Variants in DSG3 observed in about 807,000 individuals in gnomAD.
The protein encoded by DSG3 is desmoglein-3.
Under a neutral mutation model 85.9 loss-of-function variants are expected in DSG3, and 63 were observed. The observed-to-expected ratio is 0.73, with a 90% CI of 0.60 to 0.90. The LOEUF is 0.90. Ranked by LOEUF, DSG3 falls within the 40% of genes least tolerant of loss-of-function variation. DSG3 has a pLI of 0.00. For missense variants in DSG3, 1,220 were observed against 1,219.9 expected (o/e 1.00, Z 0.00); for synonymous variants, 447 against 441.9 (o/e 1.01, Z -0.14).
intron 8 of DSG3, among the ~76,000 whole-genome samples, chr18:31,463,121 C>T (rs912088864): frequency 6.6e-6 from 1 of 152,204 alleles, no homozygotes; most frequent in African/African-American, 2.4e-5. Flanking sequence ...CAACTGCTTT[C>T]ACCTATGCCT....
At chr18:31,457,585 C>CTTTCTTTCTTTCTTTCTTTCT (rs1555666278) in intron 3 of DSG3, among the ~76,000 whole-genome samples, 1 of 61,184 alleles carries the variant, frequency 1.6e-5, no homozygotes, top group African/African-American at 6.6e-5. Context: ...TTCTTTCTTT[C>CTTTCTTTCTTTCTTTCTTTCT]TTCTTTCTTT....
Position 31,460,844 on chromosome 18 carries a change from C to G in DSG3, c.696C>G (p.Ser232Arg). ...TNSLDREQAS[S>R]YRLVVSGADK... Reference sequence around the variant, plus strand: ...TTATCCAAAATTAGCAAGCTAGCAGCTATCGTCTGGTTGTGAGTGGTGCAG... The same window carrying G: ...TTATCCAAAATTAGCAAGCTAGCAGGTATCGTCTGGTTGTGAGTGGTGCAG... Residue 232 changes from serine to arginine, a missense_variant, in exon 7 of 16, where the codon AGC becomes AGG. Physicochemically the swap from Ser to Arg is moderately radical, Grantham distance 110. Coordinates refer to ENST00000257189, the MANE Select transcript of DSG3 (RefSeq NM_001944.3). The G allele has an allele frequency of 6.3e-7, 1 of 1,580,078 alleles. No individual in the cohort carries two copies. The highest frequency in any genetic ancestry group is 8.5e-7 in the Non-Finnish European group (1 of 1,169,782).
Position 31,474,353 on chromosome 18 carries a change from C to CT in DSG3, c.2335dup (p.Tyr779LeufsTer3). The CT allele has an allele frequency of 6.2e-7, 1 of 1,614,178 alleles. No individual in the cohort carries two copies. The highest frequency in any genetic ancestry group is 8.5e-7 in the Non-Finnish European group (1 of 1,180,028). Reference sequence around the variant, plus strand: ...ATTCCACTGGAGGAACCAATAAGGACTACGCTGATGGGGCGATAAGCATGA... The same window carrying CT: ...ATTCCACTGGAGGAACCAATAAGGACTTACGCTGATGGGGCGATAAGCATGA... On this transcript the variant is annotated frameshift_variant, in exon 15 of 16. Transcript: ENST00000257189. LOFTEE classifies it low-confidence loss of function (END_TRUNC).
intron 3 of DSG3, among the ~76,000 whole-genome samples, chr18:31,457,910 T>C (rs531408670): frequency 6.6e-6 from 1 of 152,146 alleles, no homozygotes. Flanking sequence ...ATTACAGGCA[T>C]GAGCCACCAC....
intron 15 of DSG3, 28 bp from the exon 16 acceptor site, chr18:31,475,618 A>AT: frequency 1.9e-6 from 3 of 1,596,910 alleles, no homozygotes; most frequent in Non-Finnish European, 1.7e-6. Flanking sequence ...CTTAAAATTC[A>AT]TTTTTTCCCA....
chr18:31,459,025 G>A lies in DSG3; in HGVS notation c.373-8G>A, dbSNP rs200664227. The A allele has an allele frequency of 6.2e-7, 1 of 1,612,772 alleles. No homozygotes were observed. The highest frequency in any genetic ancestry group is 8.5e-7 in the Non-Finnish European group (1 of 1,179,706). ...GAGTAATACTCCACATTTTCCCTCTGTTCCTAGATCACATGTCGGGCTCTA... is the reference window on the plus strand; with the variant it reads ...GAGTAATACTCCACATTTTCCCTCTATTCCTAGATCACATGTCGGGCTCTA... On this transcript the variant is annotated splice_region_variant and splice_polypyrimidine_tract_variant and intron_variant, in intron 4 of 15. Transcript: ENST00000257189.
rs2072887680 is a variant in DSG3, at chr18:31,476,249, C to T, written c.2989C>T (p.Arg997Cys). Residue 997 changes from arginine to cysteine, a missense_variant, in exon 16 of 16, where the codon CGT becomes TGT. By Grantham distance (180) the Arg-to-Cys change is radical. Transcript: ENST00000257189. ...GCTCTGTACAGAGGATCCTTGCTCC[C>T]GTCTAATATGACCAGAATGAGCTGG... ...TMLCTEDPCSRLI is the reference protein window; with the variant it reads ...TMLCTEDPCSCLI 5 of 1,607,656 alleles carry T rather than the reference C, an allele frequency of 3.1e-6. No homozygotes were observed. The highest frequency in any genetic ancestry group is 1.3e-5 in the African/African-American group (1 of 74,888).
At chr18:31,457,627 TCTTTCTTTC>T (rs2072756848) in intron 3 of DSG3, among the ~76,000 whole-genome samples, 2 of 132,648 alleles carry the variant, frequency 1.5e-5, no homozygotes, top group Admixed American at 1.5e-4. Flanking sequence ...TTTCTTTCTT[TCTTTCTTTC>T]TTTCTTTTTC....
intron 3 of DSG3, 112 bp downstream of exon 3, chr18:31,457,236 C>A (rs1179302510): frequency 5.1e-6 from 5 of 975,966 alleles, no homozygotes; most frequent in African/African-American, 5.1e-5. Context: ...GTCCACAGAA[C>A]AAGTGAACTG....
At position 31,469,310 on chromosome 18, in the gene DSG3, G is replaced by T; in HGVS notation, c.1858G>T (p.Ala620Ser). The change falls in exon 12 of 16, where the codon GCC (alanine) becomes TCC (serine). Residue 620 changes from alanine to serine, a missense_variant. Coordinates refer to ENST00000257189, the MANE Select transcript of DSG3 (RefSeq NM_001944.3). Reference protein sequence around the residue: ...RPHSGRLGPAAIGLLLLGLLL... With the variant: ...RPHSGRLGPASIGLLLLGLLL... ...GCACTCAGGGAGGCTGGGGCCTGCC[G>T]CCATCGGCCTGCTGCTCCTTGGTCT... is the stretch of plus-strand genomic sequence containing the variant. The T allele has an allele frequency of 6.2e-7, 1 of 1,613,522 alleles. No homozygotes were observed.
At chr18:31,457,521 C>CTCTTTCTT (rs142328218) in intron 3 of DSG3, among the ~76,000 whole-genome samples, 1 of 142,374 alleles carries the variant, frequency 7.0e-6, no homozygotes, top group African/African-American at 2.7e-5. Flanking sequence ...TTATACTATT[C>CTCTTTCTT]TCTTTCTTTC....
rs893982781 is a variant in DSG3, at chr18:31,460,023, C to T, written c.684+12C>T. On this transcript the variant is annotated intron_variant, in intron 6 of 15. Transcript: ENST00000257189. ...CTCTTGACCGAGAGGTACAGCAAAG[C>T]ACTTGGGGGAACATTCAAGATTAAA... The T allele has an allele frequency of 9.4e-6, 15 of 1,603,784 alleles. No individual in the cohort carries two copies. Among genetic ancestry groups the T allele is most frequent in the Admixed American group, 5.1e-5 (3 of 59,084 alleles).
rs1396489599 is a variant in DSG3, at chr18:31,464,223, C to T, written c.1112C>T (p.Thr371Ile). 3.1e-6 allele frequency: 5 copies of T among 1,614,060 alleles called. No homozygotes were observed. The African/African-American group carries it at 4.0e-5, about 13-fold the overall frequency. Reference sequence around the variant, plus strand: ...TACCGAGTTCAGTCAACCCCAGTCACAATTCAGGTAATAAATGTAAGAGAA... The same window carrying T: ...TACCGAGTTCAGTCAACCCCAGTCATAATTCAGGTAATAAATGTAAGAGAA... The part of the protein sequence containing the change: ...SRYRVQSTPV[T>I]IQVINVREGI... Residue 371 changes from threonine (T) to isoleucine (I), a missense_variant, in exon 9 of 16, where the codon ACA becomes ATA. By Grantham distance (89) the Thr-to-Ile change is moderately conservative. Coordinates refer to ENST00000257189, the MANE Select transcript of DSG3 (RefSeq NM_001944.3).
intron 12 of DSG3, among the ~76,000 whole-genome samples, chr18:31,471,931 GC>G (rs2072857946): frequency 6.6e-6 from 1 of 152,216 alleles, no homozygotes; most frequent in Admixed American, 6.5e-5. Context: ...AATATACATA[GC>G]CCCAACATGT....
In DSG3 at chr18:31,474,111, T is replaced by C; in HGVS notation, c.2102-10T>C. The C allele has an allele frequency of 6.2e-7, 1 of 1,605,326 alleles. No homozygotes were observed. The highest frequency in any genetic ancestry group is 8.5e-7 in the Non-Finnish European group (1 of 1,172,986). ...ATAAGATATTACAGAATGTTCTCCC[T>C]TGTTTTTAGAAGTTTGTACAAATAC... On this transcript the variant is annotated splice_polypyrimidine_tract_variant and intron_variant, in intron 14 of 15. Transcript: ENST00000257189.
At chr18:31,475,396 A>G (rs1288498426) in intron 15 of DSG3, among the ~76,000 whole-genome samples, 1 of 152,194 alleles carries the variant, frequency 6.6e-6, no homozygotes, top group African/African-American at 2.4e-5. Flanking sequence ...TTACAGTCAC[A>G]TGTCAGGCTC....
Position 31,464,181 on chromosome 18 carries a change from A to G in DSG3, c.1070A>G (p.Gln357Arg), listed in dbSNP as rs1248195817. ...GTCAAAAACAAAGCTGAATTTCACC[A>G]ATCAGTTATCTCTCGATACCGAGTT... is the stretch of plus-strand genomic sequence containing the variant. ...IAVKNKAEFHQSVISRYRVQS... is the reference protein window; with the variant it reads ...IAVKNKAEFHRSVISRYRVQS... Residue 357 changes from glutamine (Q) to arginine (R), a missense_variant, in exon 9 of 16, where the codon CAA (glutamine) becomes CGA (arginine). Gln to Arg is a conservative substitution (Grantham distance 43, BLOSUM62 1). Coordinates refer to ENST00000257189, the MANE Select transcript of DSG3 (RefSeq NM_001944.3). 6.2e-7 allele frequency: 1 copy of G among 1,614,060 alleles called. No homozygotes were observed. The highest frequency in any genetic ancestry group is 8.5e-7 in the Non-Finnish European group (1 of 1,180,026).
chr18:31,469,284 C>T lies in DSG3; in HGVS notation c.1832C>T (p.Pro611Leu), dbSNP rs149889527. 77 of 1,613,968 alleles carry T rather than the reference C, an allele frequency of 4.8e-5. No individual in the cohort carries two copies. The East Asian group carries it at 1.2e-3, about 26-fold the overall frequency. The stretch of plus-strand genomic sequence containing the variant: ...AGCCCTGGGACCAGGTATGGCAGGC[C>T]GCACTCAGGGAGGCTGGGGCCTGCC... ...TTSPGTRYGRPHSGRLGPAAI... is the reference protein window; with the variant it reads ...TTSPGTRYGRLHSGRLGPAAI... Residue 611 changes from proline to leucine, a missense_variant, in exon 12 of 16, where the codon CCG becomes CTG. Transcript: ENST00000257189.
rs574766048 is a variant in DSG3 at position 31,474,334 on chromosome 18, C to T, written c.2315C>T (p.Thr772Ile). The T allele has an allele frequency of 5.4e-5, 87 of 1,614,112 alleles. No individual in the cohort carries two copies. In the East Asian group the frequency reaches 1.9e-3, roughly 36 times the overall value. ...GGAACCATGAGAACAAGGCATTCCA[C>T]TGGAGGAACCAATAAGGACTACGCT... ...QSGTMRTRHS[T>I]GGTNKDYADG... The change falls in exon 15 of 16, where the codon ACT becomes ATT. Residue 772 changes from threonine (T) to isoleucine (I), a missense_variant. Thr to Ile is a moderately conservative substitution (Grantham distance 89, BLOSUM62 -1). Coordinates refer to ENST00000257189, the MANE Select transcript of DSG3 (RefSeq NM_001944.3).
Sources: allele counts gnomAD v4.1 joint callset (sites outside exome capture counted in the v4.1 genomes callset), GRCh38; gene constraint gnomAD v4.1.1; transcripts MANE v1.5; gene names NCBI Gene and HGNC (gene_info 2026-07-23, HGNC 2026-07-21).